RAB11FIP3: variants seen among roughly 807,000 people sequenced by gnomAD.
The protein encoded by RAB11FIP3 is RAB11 family interacting protein 3.
Under a neutral mutation model 77.8 loss-of-function variants are expected in RAB11FIP3, and 17 were observed. That is an observed-to-expected ratio of 0.22 (90% CI 0.15 to 0.33). RAB11FIP3 has a LOEUF of 0.33. RAB11FIP3 is among the 10% of genes least tolerant of loss of function. The probability of loss-of-function intolerance (pLI) is 1.00; values close to 1 mark genes in which losing one functional copy is unlikely to be tolerated. For synonymous variants in RAB11FIP3, 437 were observed against 448.2 expected (o/e 0.98, Z 0.31); for missense variants, 1,005 against 1,011.2 (o/e 0.99, Z 0.08).
At chr16:447,755 C>G (rs892106300) in intron 1 of RAB11FIP3, among the ~76,000 whole-genome samples, 1 of 152,104 alleles carries the variant, frequency 6.6e-6, no homozygotes, top group African/African-American at 2.4e-5. Flanking sequence ...GAAAAGAAGA[C>G]TAAAACGTAT....
intron 9 of RAB11FIP3, among the ~76,000 whole-genome samples, chr16:515,428 A>C (rs184242389): frequency 2.0e-5 from 3 of 152,096 alleles, no homozygotes; most frequent in Admixed American, 6.5e-5. Context: ...TAACGCAAAC[A>C]ACACCCTGCG....
chr16:498,050 A>G (rs2031273021), intron 6 of RAB11FIP3, among the ~76,000 whole-genome samples: 2 of 151,800 alleles, frequency 1.3e-5, no homozygotes, highest in South Asian at 4.2e-4. Flanking sequence ...TCATAGGTGC[A>G]AGCATAGCTC....
At chr16:487,480 G>A (rs2056179835) in intron 4 of RAB11FIP3, among the ~76,000 whole-genome samples, 1 of 152,170 alleles carries the variant, frequency 6.6e-6, no homozygotes, top group Non-Finnish European at 1.5e-5. Context: ...CCCAGCAGTG[G>A]TGCGTGGTGG....
chr16:458,038 C>A (rs903459296), intron 1 of RAB11FIP3, among the ~76,000 whole-genome samples: 15 of 152,374 alleles, frequency 9.8e-5, no homozygotes, highest in African/African-American at 2.6e-4. Context: ...ATGGCCCCGG[C>A]CTCTTCCGTT....
intron 1 of RAB11FIP3, among the ~76,000 whole-genome samples, chr16:445,688 T>A (rs147616791): frequency 4.6e-5 from 7 of 152,052 alleles, no homozygotes; most frequent in African/African-American, 1.7e-4. Context: ...GGCTCCACTG[T>A]GGAGAGAAAG....
rs545671523 is a variant in RAB11FIP3, at chr16:500,164, G to A, written c.1302-2840G>A. 8.3e-4 allele frequency among the ~76,000 whole-genome samples: 127 copies of A among 152,320 alleles called. 2 individuals are homozygous for A. Among genetic ancestry groups the A allele is most frequent in the African/African-American group, 2.8e-3 (116 of 41,568 alleles). ...GTGCAGAGACCGGGGGCTCCGGGCA[G>A]AGCCGAGTCCATCAGGACTGGAGGA... On this transcript the variant is annotated intron_variant, in intron 6 of 13. Transcript: ENST00000262305.
At chr16:460,196 A>G (rs1158471029) in intron 1 of RAB11FIP3, among the ~76,000 whole-genome samples, 1 of 152,192 alleles carries the variant, frequency 6.6e-6, no homozygotes, top group Non-Finnish European at 1.5e-5. Context: ...CTTCTTAATT[A>G]TAAGATTTCC....
Position 520,736 on chromosome 16 carries a change from C to G in RAB11FIP3, c.2168C>G (p.Ala723Gly). 1 of 1,613,616 alleles carries G rather than the reference C, an allele frequency of 6.2e-7. No individual in the cohort carries two copies. Among genetic ancestry groups the G allele is most frequent in the Non-Finnish European group, 8.5e-7 (1 of 1,179,988 alleles). Reference protein sequence around the residue: ...SSVSRDELMEAIQKQEEINFR... With the variant: ...SSVSRDELMEGIQKQEEINFR... ...CTGCTTGCCCTACAGCTCATGGAGGCGATTCAGAAGCAGGAGGAGATCAAC... is the reference window on the plus strand; with the variant it reads ...CTGCTTGCCCTACAGCTCATGGAGGGGATTCAGAAGCAGGAGGAGATCAAC... Residue 723 changes from alanine to glycine, a missense_variant, in exon 14 of 14, where the codon GCG (alanine) becomes GGG (glycine). This residue lies in a region of RAB11FIP3 where 90 missense variants were observed against 129.7 expected (regional missense o/e 0.69). Transcript: ENST00000262305.
chr16:495,404 C>G (rs1221319768), intron 5 of RAB11FIP3, among the ~76,000 whole-genome samples: 2 of 152,218 alleles, frequency 1.3e-5, no homozygotes, highest in African/African-American at 4.8e-5. Flanking sequence ...GCCAGGAAAG[C>G]TATTCTGTTG....
intron 2 of RAB11FIP3, among the ~76,000 whole-genome samples, chr16:467,515 G>T (rs2055724904): frequency 6.7e-6 from 1 of 148,280 alleles, no homozygotes; most frequent in South Asian, 2.2e-4. Context: ...TCAGGGAGGA[G>T]GTGCGGGGGC....
At chr16:428,157 C>T (rs1200603040) in intron 1 of RAB11FIP3, among the ~76,000 whole-genome samples, 1 of 151,986 alleles carries the variant, frequency 6.6e-6, no homozygotes, top group Non-Finnish European at 1.5e-5. Context: ...ATCAGGGTTC[C>T]TTGCTGAGTT....
At chr16:510,452 G>A (rs2032086878) in intron 8 of RAB11FIP3, 1 of 574,622 alleles carries the variant, frequency 1.7e-6, no homozygotes, top group Non-Finnish European at 3.1e-6. Context: ...GGCCACCCCA[G>A]GTGCCTTTAG....
intron 1 of RAB11FIP3, among the ~76,000 whole-genome samples, chr16:428,218 C>T (rs1041907277): frequency 6.6e-6 from 1 of 152,114 alleles, no homozygotes; most frequent in Non-Finnish European, 1.5e-5. Context: ...CTGCAATGCT[C>T]GCAAGCTTAG....
intron 3 of RAB11FIP3, among the ~76,000 whole-genome samples, chr16:475,855 TA>T (rs1231241050): frequency 2.0e-5 from 3 of 152,036 alleles, no homozygotes; most frequent in African/African-American, 7.3e-5. Context: ...CTTTATTTTT[TA>T]TTTTTTAAAT....
chr16:461,581 C>G lies in RAB11FIP3; in HGVS notation c.808+84C>G, dbSNP rs1342233708. 8.9e-6 allele frequency: 10 copies of G among 1,119,588 alleles called. No individual in the cohort carries two copies. In the South Asian group the frequency reaches 1.3e-4, roughly 15 times the overall value. 69.4% of individuals were successfully genotyped at this position (1,119,588 alleles called of 1,614,324 possible). A position where few individuals can be genotyped will look rare whatever the true frequency, so the allele number is the denominator to read the frequency against. On this transcript the variant is annotated intron_variant, in intron 2 of 13. Coordinates refer to ENST00000262305, the MANE Select transcript of RAB11FIP3 (RefSeq NM_014700.4). The surrounding 1 kb of genome is among the most constrained non-coding windows in gnomAD (Gnocchi z 4.5). ...GCCACCTGCACATCACCAGGCTCCT[C>G]GTGCTGACTCTAACATCTTTCCTTC...
chr16:491,031 T>G, intron 5 of RAB11FIP3: 1 of 1,079,190 alleles, frequency 9.3e-7, no homozygotes, highest in Non-Finnish European at 1.2e-6. Flanking sequence ...GTGCTTTTGT[T>G]CCACACCATG....
At chr16:464,769 T>C in intron 2 of RAB11FIP3, among the ~76,000 whole-genome samples, 1 of 152,156 alleles carries the variant, frequency 6.6e-6, no homozygotes, top group African/African-American at 2.4e-5. Flanking sequence ...GGCGTATGCC[T>C]GTAGTCCCAG....
intron 8 of RAB11FIP3, among the ~76,000 whole-genome samples, chr16:508,143 C>T (rs2031965121): frequency 6.6e-6 from 1 of 152,202 alleles, no homozygotes; most frequent in Non-Finnish European, 1.5e-5. Context: ...GCTTTTTCCT[C>T]CCACCCTGCT....
At chr16:444,782 C>G (rs558856066) in intron 1 of RAB11FIP3, among the ~76,000 whole-genome samples, 43 of 149,038 alleles carry the variant, frequency 2.9e-4, no homozygotes, top group African/African-American at 8.6e-4. Context: ...GTCAGGAGTT[C>G]GAGACCAGCC....
Sources: gnomAD v4.1 joint callset for allele counts (sites outside exome capture counted in the v4.1 genomes callset) on GRCh38, gnomAD v4.1.1 for gene constraint, gnomAD v4.1.1 regional missense constraint, Gnocchi (gnomAD v3.1) non-coding constraint, MANE v1.5 for transcripts, NCBI Gene and HGNC (gene_info 2026-07-23, HGNC 2026-07-21) for gene names.